LPCAT4: variants seen among roughly 807,000 people sequenced by gnomAD.
The protein encoded by LPCAT4 is lysophosphatidylcholine acyltransferase 4, also known as lysophospholipid acyltransferase LPCAT4.
A neutral mutation model predicts 66.5 loss-of-function variants in LPCAT4; 30 were observed. The observed-to-expected ratio is 0.45, with a 90% CI of 0.34 to 0.61. The LOEUF is 0.61. LPCAT4 is among the 20% of genes least tolerant of loss of function. The pLI is 0.01. For missense variants in LPCAT4, 557 were observed against 656.7 expected (o/e 0.85, Z 1.66); for synonymous variants, 253 against 262.1 (o/e 0.97, Z 0.34).
In LPCAT4 at chr15:34,359,201, T is replaced by C; in HGVS notation, c.1501A>G (p.Asn501Asp). 1.2e-6 allele frequency: 2 copies of C among 1,603,332 alleles called. No individual in the cohort carries two copies. The highest frequency in any genetic ancestry group is 1.7e-6 in the Non-Finnish European group (2 of 1,175,240). Residue 501 changes from asparagine (N) to aspartate (D), a missense_variant, in exon 14 of 14, where the codon AAT becomes GAT. Asn to Asp is a conservative substitution (Grantham distance 23). This residue lies in a region of LPCAT4 where 392 missense variants were observed against 473.9 expected (regional missense o/e 0.83). Coordinates refer to ENST00000314891, the MANE Select transcript of LPCAT4 (RefSeq NM_153613.3). ...HTSRGTSQTP[N>D]ASSPGNPTAL... ...GTGGGGTTGCCTGGGGATGAGGCAT[T>C]TGGTGTCTGGGAGGTGCCTCGAGAG...
intron 1 of LPCAT4, 75 bp from the exon 2 acceptor site, chr15:34,365,776 A>G: frequency 1.3e-6 from 2 of 1,541,036 alleles, no homozygotes; most frequent in African/African-American, 1.4e-5. Flanking sequence ...TCCACAAAGC[A>G]TAGACCCAGG....
In LPCAT4 at chr15:34,362,178, A is replaced by C. The variant is rs371731209; in HGVS notation, c.1010+18T>G. The stretch of plus-strand genomic sequence containing the variant: ...TCTCTGTGACACTGCTCATACCCTC[A>C]TTTCCAAGACCACTTACCCAGCCTT... On this transcript the variant is annotated intron_variant, in intron 10 of 13. Transcript: ENST00000314891. 1 of 1,609,470 alleles carries C rather than the reference A, an allele frequency of 6.2e-7. No homozygotes were observed.
chr15:34,359,534 T>C, intron 13 of LPCAT4, 55 bp downstream of exon 13: 1 of 1,584,858 alleles, frequency 6.3e-7, no homozygotes, highest in Non-Finnish European at 8.6e-7. Flanking sequence ...AGTGCTTTCC[T>C]GGATGCTGAT....
In LPCAT4 at chr15:34,359,009, T is replaced by TA; in HGVS notation, c.*117dup. ...ACCAAACAAAAAATTAAAATCAACT[T>TA]AAAAAAACAACAACCAAACAACAAT... On this transcript the variant is annotated 3_prime_UTR_variant, in exon 14 of 14. Coordinates refer to ENST00000314891, the MANE Select transcript of LPCAT4 (RefSeq NM_153613.3). 1.2e-6 allele frequency: 1 copy of TA among 826,372 alleles called. No homozygotes were observed. The highest frequency in any genetic ancestry group is 1.7e-6 in the Non-Finnish European group (1 of 590,802). 51.2% of individuals were successfully genotyped at this position (826,372 alleles called of 1,614,324 possible).
chr15:34,364,909 C>A lies in LPCAT4; in HGVS notation c.478+99G>T. 5 of 972,486 alleles carry A rather than the reference C, an allele frequency of 5.1e-6. No individual in the cohort carries two copies. The Middle Eastern group carries it at 9.3e-4, about 182-fold the overall frequency. 60.2% of individuals were successfully genotyped at this position (972,486 alleles called of 1,614,324 possible). ...TATATTTCACTTGCCAACAGTCCCTCCCCACTTTGAGGCCAGTTCTTCACT... is the reference window on the plus strand; with the variant it reads ...TATATTTCACTTGCCAACAGTCCCTACCCACTTTGAGGCCAGTTCTTCACT... On this transcript the variant is annotated intron_variant, in intron 3 of 13. Transcript: ENST00000314891.
chr15:34,359,371 CT>C, intron 13 of LPCAT4, 69 bp from the exon 14 acceptor site: 1 of 1,428,042 alleles, frequency 7.0e-7, no homozygotes, highest in Non-Finnish European at 9.3e-7. Context: ...CTGCTTTTTT[CT>C]CAGAACTAAA....
Position 34,365,695 on chromosome 15 carries a change from G to A in LPCAT4, c.121C>T (p.Leu41Phe). Reference sequence around the variant, plus strand: ...ATGGGGGCCAGCAATGCCCCCAGGAGGCAGAACTGCAAAGGGTGGGAGAGA... The same window carrying A: ...ATGGGGGCCAGCAATGCCCCCAGGAAGCAGAACTGCAAAGGGTGGGAGAGA... Reference protein sequence around the residue: ...LSRLQRVKFCLLGALLAPIRV... With the variant: ...LSRLQRVKFCFLGALLAPIRV... Residue 41 changes from leucine (L) to phenylalanine (F), a missense_variant, in exon 2 of 14, where the codon CTC (leucine) becomes TTC (phenylalanine). Coordinates refer to ENST00000314891, the MANE Select transcript of LPCAT4 (RefSeq NM_153613.3). The A allele has an allele frequency of 1.2e-6, 2 of 1,613,752 alleles. No individual in the cohort carries two copies. Among genetic ancestry groups the A allele is most frequent in the Non-Finnish European group, 1.7e-6 (2 of 1,179,954 alleles).
chr15:34,360,195 C>A lies in LPCAT4; in HGVS notation c.1158G>T (p.Leu386Phe). 6.2e-7 allele frequency: 1 copy of A among 1,614,118 alleles called. No homozygotes were observed. Among genetic ancestry groups the A allele is most frequent in the Non-Finnish European group, 8.5e-7 (1 of 1,179,994 alleles). Residue 386 changes from leucine to phenylalanine, a missense_variant, in exon 12 of 14, where the codon TTG becomes TTT. Physicochemically the swap from Leu to Phe is conservative, Grantham distance 22. Around this residue, in one of 4 missense-constraint regions of LPCAT4, gnomAD observed 392 missense variants for 473.9 expected, o/e 0.83. Transcript: ENST00000314891. ...CAAGGGCCACATCTCGGAAGTCCACCAAACCCTTGGTATCCTGGTGTGAAA... is the reference window on the plus strand; with the variant it reads ...CAAGGGCCACATCTCGGAAGTCCACAAAACCCTTGGTATCCTGGTGTGAAA... ...FGYFQQDTKG[L>F]VDFRDVALAL...
At chr15:34,361,222 C>T in intron 11 of LPCAT4, 178 bp downstream of exon 11, 2 of 1,487,420 alleles carry the variant, frequency 1.3e-6, no homozygotes, top group South Asian at 2.7e-5. Flanking sequence ...CTTCAATGCA[C>T]TGGATGCCTG....
At chr15:34,364,777 C>T (rs78430791) in intron 3 of LPCAT4, 6,968 of 510,318 alleles carry the variant, frequency 0.014, 69 homozygotes, top group African/African-American at 0.023. Flanking sequence ...CTGGGACAAT[C>T]CCTTTATAGT....
chr15:34,366,414 C>G (rs753133871), intron 1 of LPCAT4, among the ~76,000 whole-genome samples: 10 of 152,088 alleles, frequency 6.6e-5, no homozygotes, highest in Non-Finnish European at 1.3e-4. Context: ...CCCAGCTCCC[C>G]TAGGCTGGCG....
In LPCAT4 at chr15:34,363,495, T is replaced by C. The variant is rs746367864; in HGVS notation, c.712-39A>G. On this transcript the variant is annotated intron_variant, in intron 6 of 13. Transcript: ENST00000314891. The surrounding 1 kb of genome is among the most constrained non-coding windows in gnomAD (Gnocchi z 4.3). The stretch of plus-strand genomic sequence containing the variant: ...ACAGGTGAGGGCATAAGAGCATTAC[T>C]TTTTCCCCCTGGAACTGGCCAATCA... 62 of 1,613,064 alleles carry C rather than the reference T, an allele frequency of 3.8e-5. No individual in the cohort carries two copies. The highest frequency in any genetic ancestry group is 4.8e-5 in the Non-Finnish European group (57 of 1,179,332).
intron 11 of LPCAT4, chr15:34,360,962 T>C (rs1391486249): frequency 6.3e-6 from 1 of 157,558 alleles, no homozygotes; most frequent in Non-Finnish European, 1.4e-5. Context: ...ATAGGATATT[T>C]AAAATAATCT....
At position 34,358,858 on chromosome 15, in the gene LPCAT4, C is replaced by A. The variant is rs557108652; in HGVS notation, c.*269G>T. ...CATTTGTGATTTTCCAACGGGCGTC[C>A]TACAACCATTCATCCCTTTCCTTCC... On this transcript the variant is annotated 3_prime_UTR_variant, in exon 14 of 14. Transcript: ENST00000314891. The A allele has an allele frequency of 3.4e-4, 56 of 166,798 alleles. 1 individual carries two copies. The South Asian group carries it at 6.5e-3, about 19-fold the overall frequency. 10.3% of individuals were successfully genotyped at this position (166,798 alleles called of 1,614,324 possible).
At chr15:34,365,292 C>G in intron 2 of LPCAT4, 64 bp from the exon 3 acceptor site, 1 of 1,499,100 alleles carries the variant, frequency 6.7e-7, no homozygotes, top group Non-Finnish European at 9.1e-7. Flanking sequence ...CCCCCAGGTT[C>G]AGACACCGGG....
chr15:34,359,208 C>A lies in LPCAT4; in HGVS notation c.1494G>T (p.Gln498His). 3 of 1,600,040 alleles carry A rather than the reference C, an allele frequency of 1.9e-6. No homozygotes were observed. The highest frequency in any genetic ancestry group is 2.6e-6 in the Non-Finnish European group (3 of 1,173,344). The change falls in exon 14 of 14, where the codon CAG becomes CAT. Residue 498 changes from glutamine to histidine, a missense_variant. By Grantham distance (24) the Gln-to-His change is conservative. Transcript: ENST00000314891. ...TGCCTGGGGATGAGGCATTTGGTGT[C>A]TGGGAGGTGCCTCGAGAGGTGTGTG... ...RPPHTSRGTSQTPNASSPGNP... is the reference protein window; with the variant it reads ...RPPHTSRGTSHTPNASSPGNP...
At chr15:34,361,336 T>C in intron 11 of LPCAT4, 64 bp downstream of exon 11, 5 of 1,603,132 alleles carry the variant, frequency 3.1e-6, no homozygotes, top group Non-Finnish European at 4.3e-6. Context: ...ATACGGCCAC[T>C]AGGAACATGT....
At position 34,363,605 on chromosome 15, in the gene LPCAT4, C is replaced by A; in HGVS notation, c.711+56G>T. On this transcript the variant is annotated intron_variant, in intron 6 of 13. Coordinates refer to ENST00000314891, the MANE Select transcript of LPCAT4 (RefSeq NM_153613.3). The surrounding 1 kb of genome is among the most constrained non-coding windows in gnomAD (Gnocchi z 4.3). Reference sequence around the variant, plus strand: ...AAGCACCAACAGTTTTCACTTATTTCCATTTGGGGTGGATTTGTGCTCCCC... The same window carrying A: ...AAGCACCAACAGTTTTCACTTATTTACATTTGGGGTGGATTTGTGCTCCCC... 6.2e-7 allele frequency: 1 copy of A among 1,608,006 alleles called. No homozygotes were observed. Among genetic ancestry groups the A allele is most frequent in the Non-Finnish European group, 8.5e-7 (1 of 1,174,452 alleles).
intron 1 of LPCAT4, among the ~76,000 whole-genome samples, chr15:34,366,579 C>G (rs1891082225): frequency 1.3e-5 from 2 of 152,128 alleles, no homozygotes; most frequent in South Asian, 4.2e-4. Flanking sequence ...AACGTCTTCC[C>G]TCTAAGTCAT....
Sources: gnomAD v4.1 joint callset for allele counts (sites outside exome capture counted in the v4.1 genomes callset) on GRCh38, gnomAD v4.1.1 for gene constraint, gnomAD v4.1.1 regional missense constraint, Gnocchi (gnomAD v3.1) non-coding constraint, MANE v1.5 for transcripts, NCBI Gene and HGNC (gene_info 2026-07-23, HGNC 2026-07-21) for gene names.